Variants in RPL22 observed in about 807,000 individuals in gnomAD.
The protein encoded by RPL22 is large ribosomal subunit protein eL22.
In RPL22, 4 loss-of-function variants were observed where a neutral mutation model predicts 16.2. That is an observed-to-expected ratio of 0.25 (90% CI 0.12 to 0.57). The LOEUF (loss-of-function observed/expected upper bound fraction) is 0.57, where lower values mean the gene tolerates loss of function less well. RPL22 is among the 20% of genes least tolerant of loss of function. The pLI, the probability that RPL22 is intolerant of heterozygous loss-of-function variation, is 0.92. For synonymous variants in RPL22, 43 were observed against 54.8 expected (o/e 0.78, Z 0.95); for missense variants, 83 against 156.1 (o/e 0.53, Z 2.49).
In RPL22 at chr1:6,199,493, T is replaced by A. The variant is rs932307010; in HGVS notation, c.12+69A>T. The A allele has an allele frequency of 1.9e-6, 3 of 1,540,656 alleles. No homozygotes were observed. In the African/African-American group the frequency reaches 4.1e-5, roughly 21 times the overall value. ...GGGCGCCGTCCCCAGCGAGCCTGGG[T>A]AGATGCCGGGCTCGGCGAGGCCCAC... On this transcript the variant is annotated intron_variant, in intron 1 of 3. Transcript: ENST00000234875.
At chr1:6,193,172 G>C in intron 2 of RPL22, 118 bp from the exon 3 acceptor site, 1 of 1,243,190 alleles carries the variant, frequency 8.0e-7, no homozygotes, top group Non-Finnish European at 1.1e-6. Flanking sequence ...TGGAGACAGA[G>C]TCTCACCAGC....
chr1:6,197,821 G>C (rs1455772589), intron 1 of RPL22, 65 bp from the exon 2 acceptor site: 1 of 1,178,996 alleles, frequency 8.5e-7, no homozygotes, highest in African/African-American at 1.5e-5. Flanking sequence ...AAGATTAACA[G>C]AACCAGAAAC....
chr1:6,191,600 G>A (rs1364484862), intron 3 of RPL22, among the ~76,000 whole-genome samples: 8 of 149,410 alleles, frequency 5.4e-5, no homozygotes, highest in East Asian at 4.0e-4. Context: ...GCGTGAACCC[G>A]GGAGGCAGAG....
intron 1 of RPL22, chr1:6,198,034 A>C (rs913082028): frequency 4.3e-6 from 2 of 464,196 alleles, no homozygotes. Flanking sequence ...CAGTCTCCCC[A>C]ATCTCTACAG....
intron 3 of RPL22, among the ~76,000 whole-genome samples, chr1:6,188,601 G>A (rs932283005): frequency 6.6e-6 from 1 of 150,566 alleles, no homozygotes; most frequent in African/African-American, 2.4e-5. Flanking sequence ...TCACCGGCTT[G>A]CTTCCGTGGC....
intron 3 of RPL22, among the ~76,000 whole-genome samples, chr1:6,190,586 G>C (rs1428511829): frequency 2.6e-5 from 4 of 152,098 alleles, no homozygotes; most frequent in Admixed American, 2.6e-4. Context: ...CTCCATGTTG[G>C]TCAGCTGGTC....
In RPL22 at chr1:6,186,755, C is replaced by T. The variant is rs199837725; in HGVS notation, c.304G>A (p.Val102Ile). The T allele has an allele frequency of 5.0e-6, 8 of 1,610,046 alleles. No homozygotes were observed. The highest frequency in any genetic ancestry group is 1.7e-4 in the Middle Eastern group (1 of 5,896). ...TAACTCTCTTTGCTGTTAGCAACTA[C>T]GCGCAACCAGTCACGTAGATTATTC... ...KKNNLRDWLRVVANSKESYEL... is the reference protein window; with the variant it reads ...KKNNLRDWLRIVANSKESYEL... The change falls in exon 4 of 4, where the codon GTA becomes ATA. Residue 102 changes from valine to isoleucine, a missense_variant. Transcript: ENST00000234875.
intron 3 of RPL22, among the ~76,000 whole-genome samples, chr1:6,187,513 C>T (rs1423982103): frequency 1.3e-5 from 2 of 149,606 alleles, no homozygotes; most frequent in Non-Finnish European, 2.9e-5. Flanking sequence ...AGTCAGGAGG[C>T]TGAGGTAAGA....
intron 3 of RPL22, 26 bp from the exon 4 acceptor site, chr1:6,186,842 C>T (rs765294490): frequency 6.2e-7 from 1 of 1,610,200 alleles, no homozygotes; most frequent in Non-Finnish European, 8.5e-7. Context: ...ACAAGAACTC[C>T]ACTAGACAGT....
chr1:6,195,716 A>G (rs1272318128), intron 2 of RPL22, among the ~76,000 whole-genome samples: 1 of 151,642 alleles, frequency 6.6e-6, no homozygotes, highest in Non-Finnish European at 1.5e-5. Flanking sequence ...ACACCATTGC[A>G]CTCCAGCCTG....
In RPL22 at chr1:6,191,443, G is replaced by A. The variant is rs1261810258; in HGVS notation, c.242+1487C>T. 2.9e-4 allele frequency among the ~76,000 whole-genome samples: 43 copies of A among 149,994 alleles called. No individual in the cohort carries two copies. In the South Asian group the frequency reaches 8.0e-3, roughly 28 times the overall value. On this transcript the variant is annotated intron_variant, in intron 3 of 3. Transcript: ENST00000234875. The stretch of plus-strand genomic sequence containing the variant: ...AGCACTCTGGGAGGCCGAGGCGGGC[G>A]GATCACGAGGTCAGGAGATCGAGAC...
chr1:6,196,836 G>A (rs1405750989), intron 2 of RPL22, among the ~76,000 whole-genome samples: 1 of 151,736 alleles, frequency 6.6e-6, no homozygotes, highest in Non-Finnish European at 1.5e-5. Flanking sequence ...TTTAAACACT[G>A]AAGCTCAGAT....
chr1:6,190,919 G>A (rs930567500), intron 3 of RPL22, among the ~76,000 whole-genome samples: 2 of 152,136 alleles, frequency 1.3e-5, no homozygotes, highest in African/African-American at 2.4e-5. Flanking sequence ...GGAAACAACT[G>A]GAATTCAAAA....
At chr1:6,193,405 A>G (rs1667677192) in intron 2 of RPL22, among the ~76,000 whole-genome samples, 1 of 151,056 alleles carries the variant, frequency 6.6e-6, no homozygotes, top group Non-Finnish European at 1.5e-5. Flanking sequence ...GCTCACTGCA[A>G]CCTCCGCCTC....
intron 2 of RPL22, among the ~76,000 whole-genome samples, chr1:6,193,900 A>T (rs894989809): frequency 1.3e-5 from 2 of 152,220 alleles, no homozygotes; most frequent in African/African-American, 4.8e-5. Context: ...GCTTAGAAGG[A>T]CAACACTAGA....
chr1:6,186,878 A>T, intron 3 of RPL22, 62 bp from the exon 4 acceptor site: 1 of 1,593,028 alleles, frequency 6.3e-7, no homozygotes, highest in Non-Finnish European at 8.5e-7. Flanking sequence ...AAAACATTTT[A>T]ACATTTATAA....
At chr1:6,195,829 G>A (rs917986675) in intron 2 of RPL22, among the ~76,000 whole-genome samples, 12 of 152,044 alleles carry the variant, frequency 7.9e-5, no homozygotes, top group African/African-American at 1.7e-4. Context: ...TTGGGAGGCC[G>A]AGGTGGGTGG....
chr1:6,199,146 C>T (rs1292439839), intron 1 of RPL22: 1 of 198,104 alleles, frequency 5.0e-6, no homozygotes, highest in Non-Finnish European at 1.0e-5. Flanking sequence ...AGCCGCCCTT[C>T]CGCGGATTCG....
chr1:6,185,634 C>T lies in RPL22; in HGVS notation c.*1038G>A. The T allele has an allele frequency of 2.9e-6, 1 of 350,354 alleles. No individual in the cohort carries two copies. The highest frequency in any genetic ancestry group is 5.1e-6 in the Non-Finnish European group (1 of 196,080). The allele number at this position is 350,354 out of a possible 1,614,324, so 21.7% of individuals were successfully genotyped here. A position where few individuals can be genotyped will look rare whatever the true frequency, so the allele number is the denominator to read the frequency against. ...GACACCGTAAATTCTAATGCAGACA[C>T]TTTTGCATTACTGTTTGAATTTCAG... On this transcript the variant is annotated 3_prime_UTR_variant, in exon 4 of 4. Transcript: ENST00000234875.
Sources: allele counts gnomAD v4.1 joint callset (sites outside exome capture counted in the v4.1 genomes callset), GRCh38; gene constraint gnomAD v4.1.1; transcripts MANE v1.5; gene names NCBI Gene and HGNC (gene_info 2026-07-23, HGNC 2026-07-21).